CTNND2: variants seen among roughly 807,000 people sequenced by gnomAD.
CTNND2 encodes catenin delta 2, also known as catenin delta-2.
Under a neutral mutation model 144.4 loss-of-function variants are expected in CTNND2, and 22 were observed. The observed-to-expected ratio is 0.15, with a 90% confidence interval of 0.11 to 0.22. The LOEUF (loss-of-function observed/expected upper bound fraction) is 0.22, where lower values mean the gene tolerates loss of function less well. Ranked by LOEUF, CTNND2 falls within the 10% of genes least tolerant of loss-of-function variation. CTNND2 has a pLI of 1.00. For missense variants in CTNND2, 1,353 were observed against 1,618.8 expected (o/e 0.84, Z 2.82); for synonymous variants, 751 against 695.6 (o/e 1.08, Z -1.25).
chr5:11,177,889 A>G (rs1024774981), intron 11 of CTNND2, among the ~76,000 whole-genome samples: 1 of 152,228 alleles, frequency 6.6e-6, no homozygotes, highest in Admixed American at 6.5e-5. Flanking sequence ...CCTCAATTCC[A>G]TCGCAAGAAA....
At chr5:11,711,062 T>G (rs11133664) in intron 2 of CTNND2, among the ~76,000 whole-genome samples, 1 of 150,378 alleles carries the variant, frequency 6.6e-6, no homozygotes, top group Non-Finnish European at 1.5e-5. Context: ...AATGATTGGC[T>G]TAATTTTTTT....
In CTNND2 at chr5:11,880,607, TACTACC is replaced by T. The variant is rs1165239691; in HGVS notation, c.37+23204_37+23209del. Among the ~76,000 whole-genome samples, 920 of 112,894 alleles carry T rather than the reference TACTACC, an allele frequency of 8.1e-3. 23 individuals carry two copies. Among genetic ancestry groups the T allele is most frequent in the African/African-American group, 0.024 (799 of 33,090 alleles). 74.1% of individuals were successfully genotyped at this position (112,894 alleles called of 152,430 possible). A position where few individuals can be genotyped will look rare whatever the true frequency, so the allele number is the denominator to read the frequency against. ...CCACTACTCCTACTATCAGCACTACTACTACCACTACTACTGCTACTAGTACTACTA... is the reference window on the plus strand; with the variant it reads ...CCACTACTCCTACTATCAGCACTACTACTACTACTGCTACTAGTACTACTA... On this transcript the variant is annotated intron_variant, in intron 1 of 21. Coordinates refer to ENST00000304623, the MANE Select transcript of CTNND2 (RefSeq NM_001332.4).
intron 14 of CTNND2, among the ~76,000 whole-genome samples, chr5:11,103,003 A>G: frequency 1.1e-5 from 1 of 88,942 alleles, no homozygotes. Context: ...TTTTTTTGAG[A>G]CAGAGTCTCA....
intron 3 of CTNND2, among the ~76,000 whole-genome samples, chr5:11,520,873 C>CAAA (rs1215642219): frequency 6.6e-6 from 1 of 152,148 alleles, no homozygotes; most frequent in African/African-American, 2.4e-5. Flanking sequence ...GTCAGGATCT[C>CAAA]TGTTTAAGGA....
chr5:11,238,469 C>T (rs1212496339), intron 9 of CTNND2, among the ~76,000 whole-genome samples: 1 of 152,176 alleles, frequency 6.6e-6, no homozygotes, highest in Non-Finnish European at 1.5e-5. Flanking sequence ...AAAGTGTCCT[C>T]AAAGATTTTA....
chr5:11,240,579 C>A (rs1419713557), intron 9 of CTNND2, among the ~76,000 whole-genome samples: 1 of 126,550 alleles, frequency 7.9e-6, no homozygotes, highest in African/African-American at 3.1e-5. Flanking sequence ...ACACCCAACA[C>A]ACACATACTC....
chr5:11,050,893 A>G (rs982985983), intron 16 of CTNND2, among the ~76,000 whole-genome samples: 1 of 152,210 alleles, frequency 6.6e-6, no homozygotes, highest in African/African-American at 2.4e-5. Context: ...TGGTTGGCTC[A>G]TAACATCTCC....
chr5:11,224,984 T>C (rs574130265), intron 10 of CTNND2, among the ~76,000 whole-genome samples: 1 of 152,288 alleles, frequency 6.6e-6, no homozygotes, highest in South Asian at 2.1e-4. Context: ...CTTCCTGCTG[T>C]GAAGTGTGAT....
At chr5:11,529,118 T>C (rs1561518691) in intron 3 of CTNND2, among the ~76,000 whole-genome samples, 1 of 152,146 alleles carries the variant, frequency 6.6e-6, no homozygotes, top group African/African-American at 2.4e-5. Flanking sequence ...TCATTGGCTG[T>C]GAAGATCTAG....
intron 12 of CTNND2, among the ~76,000 whole-genome samples, chr5:11,154,721 G>A (rs1005911236): frequency 6.6e-6 from 1 of 152,116 alleles, no homozygotes; most frequent in African/African-American, 2.4e-5. Flanking sequence ...ATTATCTCAC[G>A]TTCTGGACGC....
intron 2 of CTNND2, among the ~76,000 whole-genome samples, chr5:11,716,661 T>G (rs1786367677): frequency 6.6e-6 from 1 of 151,814 alleles, no homozygotes; most frequent in Non-Finnish European, 1.5e-5. Context: ...ACTAGTCTTT[T>G]TATTTACTTA....
At chr5:11,729,932 G>A (rs776321659) in intron 2 of CTNND2, among the ~76,000 whole-genome samples, 1 of 152,084 alleles carries the variant, frequency 6.6e-6, no homozygotes, top group Non-Finnish European at 1.5e-5. Flanking sequence ...TCCCCAATGG[G>A]TGCATTAGAG....
intron 3 of CTNND2, among the ~76,000 whole-genome samples, chr5:11,502,311 C>T (rs1042307621): frequency 4.6e-5 from 7 of 152,090 alleles, no homozygotes; most frequent in African/African-American, 1.4e-4. Flanking sequence ...GACTGTATAG[C>T]GGATGTACAA....
intron 1 of CTNND2, among the ~76,000 whole-genome samples, chr5:11,860,761 A>G (rs1307610620): frequency 6.6e-6 from 1 of 152,188 alleles, no homozygotes; most frequent in Non-Finnish European, 1.5e-5. Flanking sequence ...ATTTAAATAC[A>G]ATAGGTTTTT....
At chr5:11,709,460 AG>A (rs1458371668) in intron 2 of CTNND2, among the ~76,000 whole-genome samples, 1 of 152,224 alleles carries the variant, frequency 6.6e-6, no homozygotes, top group African/African-American at 2.4e-5. Context: ...ATCATGTAAA[AG>A]CATCTCTTCT....
intron 9 of CTNND2, among the ~76,000 whole-genome samples, chr5:11,270,375 T>C (rs1300638057): frequency 6.6e-6 from 1 of 152,070 alleles, no homozygotes; most frequent in Non-Finnish European, 1.5e-5. Flanking sequence ...TAATAAGTAT[T>C]GGTGAAATAC....
rs116864595 is a variant in CTNND2, at chr5:11,364,255, T to C, written c.1372+441A>G. 2.2e-4 allele frequency among the ~76,000 whole-genome samples: 33 copies of C among 152,356 alleles called. No homozygotes were observed. The East Asian group carries it at 5.6e-3, about 26-fold the overall frequency. On this transcript the variant is annotated intron_variant, in intron 8 of 21. Coordinates refer to ENST00000304623, the MANE Select transcript of CTNND2 (RefSeq NM_001332.4). ...GAAATAAATTGTCTGCCTTTCAAAA[T>C]ATGCTACATGTTTAGTAAATATGTT...
intron 16 of CTNND2, among the ~76,000 whole-genome samples, chr5:11,040,221 G>C (rs750325425): frequency 1.1e-4 from 16 of 152,090 alleles, no homozygotes; most frequent in Admixed American, 2.0e-4. Flanking sequence ...ACTCTAGCCT[G>C]GGTGACAGGG....
At chr5:11,382,462 G>T (rs115289481) in intron 7 of CTNND2, among the ~76,000 whole-genome samples, 1,557 of 152,206 alleles carry the variant, frequency 0.01, 16 homozygotes, top group Non-Finnish European at 0.013. Flanking sequence ...AGCCAGGCGT[G>T]GGGGCAGGTG....
Sources: gnomAD v4.1 joint callset for allele counts (sites outside exome capture counted in the v4.1 genomes callset) on GRCh38, gnomAD v4.1.1 for gene constraint, MANE v1.5 for transcripts, NCBI Gene and HGNC (gene_info 2026-07-23, HGNC 2026-07-21) for gene names.